The following MYT1L variants were observed in gnomAD, a reference collection of about 807,000 sequenced individuals.
The protein encoded by MYT1L is myelin transcription factor 1 like, also known as myelin transcription factor 1-like protein.
Under a neutral mutation model 126.7 loss-of-function variants are expected in MYT1L, and 12 were observed. The ratio of observed to expected loss-of-function variants is 0.09; its 90% confidence interval spans 0.06 to 0.15. The LOEUF is 0.15. Among genes scored for constraint, MYT1L ranks in the 10% least tolerant of loss-of-function variants. MYT1L has a pLI of 1.00. For synonymous variants in MYT1L, 541 were observed against 604.2 expected (o/e 0.90, Z 1.53); for missense variants, 979 against 1,585.2 (o/e 0.62, Z 6.49).
At chr2:2,262,430 C>T (rs143829901) in intron 2 of MYT1L, among the ~76,000 whole-genome samples, 2,448 of 151,738 alleles carry the variant, frequency 0.016, 63 homozygotes, top group African/African-American at 0.057. Context: ...CGGTGGCTCA[C>T]GCCTGTAATC....
At chr2:2,200,841 G>GA (rs1307067872) in intron 2 of MYT1L, among the ~76,000 whole-genome samples, 3 of 152,206 alleles carry the variant, frequency 2.0e-5, no homozygotes, top group Non-Finnish European at 4.4e-5. Flanking sequence ...AGCCATAAGG[G>GA]AAAATCACCC....
chr2:2,115,263 G>T (rs1575265816), intron 3 of MYT1L, among the ~76,000 whole-genome samples: 1 of 152,232 alleles, frequency 6.6e-6, no homozygotes, highest in South Asian at 2.1e-4. Flanking sequence ...TCTACCAGAT[G>T]TAAGTGCCAC....
At chr2:2,196,060 A>AG (rs1159987790) in intron 2 of MYT1L, among the ~76,000 whole-genome samples, 2 of 152,116 alleles carry the variant, frequency 1.3e-5, no homozygotes, top group Admixed American at 1.3e-4. Context: ...AGAAATTTCA[A>AG]GGGGGGATAA....
intron 10 of MYT1L, among the ~76,000 whole-genome samples, chr2:1,919,296 G>A (rs542308850): frequency 2.6e-5 from 4 of 152,116 alleles, no homozygotes; most frequent in African/African-American, 7.2e-5. Flanking sequence ...TGCCTTCACC[G>A]TTACCTCCCC....
At chr2:1,855,439 A>G (rs987404030) in intron 18 of MYT1L, among the ~76,000 whole-genome samples, 32 of 152,200 alleles carry the variant, frequency 2.1e-4, no homozygotes, top group African/African-American at 7.5e-4. Context: ...GAAGAGATTG[A>G]CTGGGTTTCC....
chr2:2,200,284 A>C (rs1442531771), intron 2 of MYT1L, among the ~76,000 whole-genome samples: 1 of 152,216 alleles, frequency 6.6e-6, no homozygotes, highest in Non-Finnish European at 1.5e-5. Context: ...AATTAGCTTA[A>C]TGATTGAAAA....
chr2:1,812,111 T>G (rs2036759158), intron 21 of MYT1L, among the ~76,000 whole-genome samples: 1 of 152,180 alleles, frequency 6.6e-6, no homozygotes, highest in Admixed American at 6.5e-5. Context: ...TGTCTGCGCT[T>G]TGGCCCCCGC....
chr2:1,862,208 C>T (rs1434003501), intron 18 of MYT1L, among the ~76,000 whole-genome samples: 1 of 152,112 alleles, frequency 6.6e-6, no homozygotes, highest in African/African-American at 2.4e-5. Context: ...TGATTTCAAA[C>T]CTTGTTTCAT....
chr2:2,139,770 G>A (rs1489960817), intron 3 of MYT1L, among the ~76,000 whole-genome samples: 1 of 152,112 alleles, frequency 6.6e-6, no homozygotes, highest in Non-Finnish European at 1.5e-5. Flanking sequence ...AGAATCATTG[G>A]CAAGTGCTGC....
At chr2:2,300,386 C>T (rs149540165) in intron 1 of MYT1L, among the ~76,000 whole-genome samples, 37 of 152,296 alleles carry the variant, frequency 2.4e-4, no homozygotes, top group African/African-American at 7.5e-4. Context: ...GTTTCTAATA[C>T]TCAGCTTTCA....
chr2:2,003,830 C>T (rs905459974), intron 4 of MYT1L, among the ~76,000 whole-genome samples: 10 of 152,224 alleles, frequency 6.6e-5, no homozygotes, highest in South Asian at 2.1e-4. Context: ...GCCCCAGGCC[C>T]GGCTGCTTCA....
intron 5 of MYT1L, among the ~76,000 whole-genome samples, chr2:1,996,638 G>A (rs1286873528): frequency 4.6e-5 from 6 of 131,572 alleles, no homozygotes; most frequent in African/African-American, 8.9e-5. Flanking sequence ...GAGTGTAGAC[G>A]GGCCGCCTTT....
At position 1,811,924 on chromosome 2, in the gene MYT1L, T is replaced by C. The variant is rs1572452774; in HGVS notation, c.3081-2757A>G. ...GTGGGGGCTGACACTTCTGCTTCCC[T>C]AGCTTATCCGTAAATCTGCTTCTGA... On this transcript the variant is annotated intron_variant, in intron 21 of 24. Coordinates refer to ENST00000647738, the MANE Select transcript of MYT1L (RefSeq NM_001303052.2). The surrounding 1 kb of genome is among the most constrained non-coding windows in gnomAD (Gnocchi z 4.4). Among the ~76,000 whole-genome samples, 1 of 152,352 alleles carries C rather than the reference T, an allele frequency of 6.6e-6. No individual in the cohort carries two copies. Among genetic ancestry groups the C allele is most frequent in the South Asian group, 2.1e-4 (1 of 4,834 alleles).
chr2:1,955,503 T>C (rs2058268360), intron 8 of MYT1L, among the ~76,000 whole-genome samples: 1 of 152,218 alleles, frequency 6.6e-6, no homozygotes, highest in Non-Finnish European at 1.5e-5. Flanking sequence ...AGAGAGATCA[T>C]TAAGCTTATT....
intron 4 of MYT1L, among the ~76,000 whole-genome samples, chr2:2,052,119 T>C (rs942472464): frequency 1.3e-5 from 2 of 152,154 alleles, no homozygotes; most frequent in African/African-American, 4.8e-5. Context: ...TAGAACAGAA[T>C]AGAGAACCCA....
chr2:2,302,743 T>C (rs2095803005), intron 1 of MYT1L, among the ~76,000 whole-genome samples: 1 of 152,200 alleles, frequency 6.6e-6, no homozygotes, highest in Non-Finnish European at 1.5e-5. Flanking sequence ...ATTTAAAACT[T>C]TGCTGAAACC....
intron 21 of MYT1L, among the ~76,000 whole-genome samples, chr2:1,835,371 G>T (rs1016890872): frequency 6.6e-6 from 1 of 152,078 alleles, no homozygotes; most frequent in Non-Finnish European, 1.5e-5. Context: ...GTAATTTATT[G>T]AATACTCTAT....
chr2:2,256,491 A>G (rs2094816913), intron 2 of MYT1L, among the ~76,000 whole-genome samples: 1 of 152,258 alleles, frequency 6.6e-6, no homozygotes, highest in South Asian at 2.1e-4. Flanking sequence ...TAGTGGGAAC[A>G]GGAACCATCT....
chr2:2,210,469 AT>A (rs1311265940), intron 2 of MYT1L, among the ~76,000 whole-genome samples: 5 of 152,206 alleles, frequency 3.3e-5, no homozygotes, highest in Non-Finnish European at 5.9e-5. Flanking sequence ...TCCCAGCACC[AT>A]TTGTTGAAGA....
Sources: gnomAD v4.1 joint callset for allele counts (sites outside exome capture counted in the v4.1 genomes callset) on GRCh38, gnomAD v4.1.1 for gene constraint, Gnocchi (gnomAD v3.1) non-coding constraint, MANE v1.5 for transcripts, NCBI Gene and HGNC (gene_info 2026-07-23, HGNC 2026-07-21) for gene names.